The following ARFGEF1 variants were observed in gnomAD, a reference collection of about 807,000 sequenced individuals.
ARFGEF1 encodes the protein brefeldin A-inhibited guanine nucleotide-exchange protein 1.
In ARFGEF1, 42 loss-of-function variants were observed where a neutral mutation model predicts 231.0. The observed-to-expected ratio is 0.18, with a 90% CI of 0.14 to 0.24. ARFGEF1 has a LOEUF of 0.24. Among genes scored for constraint, ARFGEF1 ranks in the 10% least tolerant of loss-of-function variants. ARFGEF1 has a pLI of 1.00. For missense variants in ARFGEF1, 1,345 were observed against 2,192.0 expected, an observed-to-expected ratio of 0.61 and a Z score of 7.72; for synonymous variants, 710 against 732.3, an observed-to-expected ratio of 0.97 and a Z score of 0.49.
At chr8:67,276,709 T>G (rs897726344) in intron 8 of ARFGEF1, among the ~76,000 whole-genome samples, 1 of 152,170 alleles carries the variant, frequency 6.6e-6, no homozygotes, top group Non-Finnish European at 1.5e-5. Context: ...TCCCTAAATT[T>G]CTAAAAGTTT....
At chr8:67,300,798 T>C (rs1806451438) in intron 3 of ARFGEF1, among the ~76,000 whole-genome samples, 1 of 151,246 alleles carries the variant, frequency 6.6e-6, no homozygotes, top group Non-Finnish European at 1.5e-5. Context: ...GAGCCAAGAT[T>C]ACGCCACTGC....
Position 67,266,049 on chromosome 8 carries a change from C to T in ARFGEF1, c.2080G>A (p.Val694Ile). 1 of 1,613,832 alleles carries T rather than the reference C, an allele frequency of 6.2e-7. No homozygotes were observed. The highest frequency in any genetic ancestry group is 8.5e-7 in the Non-Finnish European group (1 of 1,179,820). ...ATTATTTCTTTTTGTTGCTTTAGGA[C>T]CTCAAATTGTTCTGGATTATCAGTG... ...SGTDNPEQFE[V>I]LKQQKEIIEQ... Residue 694 changes from valine (V) to isoleucine (I), a missense_variant, in exon 14 of 39, where the codon GTC becomes ATC. Val to Ile is a conservative substitution (Grantham distance 29, BLOSUM62 3). This residue lies in a region of ARFGEF1 where 105 missense variants were observed against 159.3 expected (regional missense o/e 0.66). Coordinates refer to ENST00000262215, the MANE Select transcript of ARFGEF1 (RefSeq NM_006421.5).
chr8:67,321,171 GT>G (rs1807573136), intron 1 of ARFGEF1, among the ~76,000 whole-genome samples: 1 of 118,214 alleles, frequency 8.5e-6, no homozygotes, highest in Non-Finnish European at 1.8e-5. Flanking sequence ...ATGGGGGGGG[GT>G]TTGGGGGTGC....
intron 17 of ARFGEF1, among the ~76,000 whole-genome samples, chr8:67,256,602 TATC>T (rs527390432): frequency 8.3e-4 from 126 of 152,296 alleles, no homozygotes; most frequent in Middle Eastern, 6.8e-3. Flanking sequence ...GCATAACAAA[TATC>T]ATCAGATACC....
At chr8:67,335,917 C>T (rs1429267013) in intron 1 of ARFGEF1, among the ~76,000 whole-genome samples, 1 of 151,782 alleles carries the variant, frequency 6.6e-6, no homozygotes, top group Non-Finnish European at 1.5e-5. Context: ...GCCCGGCTAA[C>T]TTTTTGTATT....
At position 67,292,213 on chromosome 8, in the gene ARFGEF1, G is replaced by A; in HGVS notation, c.640-90C>T. ...TACCTCCAACAATCCTTTCTATAAG[G>A]TGCCATTCTCTCTACGCTTGGAAAT... On this transcript the variant is annotated intron_variant, in intron 5 of 38. Coordinates refer to ENST00000262215, the MANE Select transcript of ARFGEF1 (RefSeq NM_006421.5). 5 of 1,117,836 alleles carry A rather than the reference G, an allele frequency of 4.5e-6. No individual in the cohort carries two copies. The South Asian group carries it at 4.5e-5, about 10-fold the overall frequency. 69.2% of individuals were successfully genotyped at this position (1,117,836 alleles called of 1,614,324 possible).
intron 33 of ARFGEF1, among the ~76,000 whole-genome samples, chr8:67,213,105 A>G (rs972591941): frequency 6.6e-6 from 1 of 152,184 alleles, no homozygotes; most frequent in Non-Finnish European, 1.5e-5. Flanking sequence ...GTCATGGAGC[A>G]ACACGGGCCC....
intron 23 of ARFGEF1, among the ~76,000 whole-genome samples, chr8:67,231,997 T>C (rs1396477651): frequency 6.6e-6 from 1 of 151,726 alleles, no homozygotes; most frequent in African/African-American, 2.4e-5. Context: ...CAACAGCAAG[T>C]AGACATTAAG....
intron 3 of ARFGEF1, 118 bp downstream of exon 3, chr8:67,301,106 T>C: frequency 9.9e-7 from 1 of 1,013,386 alleles, no homozygotes; most frequent in Non-Finnish European, 1.4e-6. Flanking sequence ...CTTGGATTTT[T>C]TACCACAAAA....
At chr8:67,333,600 C>T (rs1314142672) in intron 1 of ARFGEF1, among the ~76,000 whole-genome samples, 1 of 151,994 alleles carries the variant, frequency 6.6e-6, no homozygotes, top group Admixed American at 6.6e-5. Context: ...AGGTGTGAGC[C>T]GCCACATCTG....
chr8:67,264,389 T>C (rs1296638015), intron 14 of ARFGEF1, among the ~76,000 whole-genome samples: 1 of 152,162 alleles, frequency 6.6e-6, no homozygotes, highest in East Asian at 1.9e-4. Flanking sequence ...GGGGAAAATC[T>C]AAGCTAACTC....
At chr8:67,228,546 A>T (rs1330411787) in intron 23 of ARFGEF1, among the ~76,000 whole-genome samples, 1 of 152,050 alleles carries the variant, frequency 6.6e-6, no homozygotes, top group Non-Finnish European at 1.5e-5. Context: ...CCCCGGATAG[A>T]TATGAGATTC....
chr8:67,207,097 G>A (rs753499775), intron 34 of ARFGEF1: 3 of 152,094 alleles, frequency 2.0e-5, no homozygotes, highest in African/African-American at 4.8e-5. Context: ...AAAGAAACCT[G>A]TAAGTCCTAC....
chr8:67,184,866 G>A (rs1293610032), intron 5 of ARFGEF1, among the ~76,000 whole-genome samples: 5 of 148,696 alleles, frequency 3.4e-5, no homozygotes, highest in South Asian at 2.1e-4. Flanking sequence ...TTGGGAGGCC[G>A]AGGAGGGCGG....
chr8:67,217,171 G>A (rs758737359), intron 32 of ARFGEF1, among the ~76,000 whole-genome samples: 1 of 151,956 alleles, frequency 6.6e-6, no homozygotes, highest in Non-Finnish European at 1.5e-5. Flanking sequence ...AGGCATGGTG[G>A]TGCATGCCTG....
intron 1 of ARFGEF1, among the ~76,000 whole-genome samples, chr8:67,306,259 T>C (rs1300181316): frequency 6.6e-6 from 1 of 152,192 alleles, no homozygotes; most frequent in Non-Finnish European, 1.5e-5. Context: ...AATGGGAAGG[T>C]AGCTTATAGA....
intron 34 of ARFGEF1, among the ~76,000 whole-genome samples, chr8:67,206,004 T>A (rs1343085614): frequency 6.6e-6 from 1 of 152,184 alleles, no homozygotes; most frequent in Non-Finnish European, 1.5e-5. Flanking sequence ...GATTAACCTA[T>A]GCAATACTGT....
intron 34 of ARFGEF1, among the ~76,000 whole-genome samples, chr8:67,205,801 T>C (rs1838490567): frequency 1.3e-5 from 2 of 151,486 alleles, no homozygotes; most frequent in African/African-American, 4.9e-5. Context: ...GAGGTTACAG[T>C]GAACCAAGAT....
chr8:67,195,616 T>C, downstream of ARFGEF1: 1 of 1,600,502 alleles, frequency 6.2e-7, no homozygotes, highest in Non-Finnish European at 8.6e-7. Context: ...CTGGACCCAG[T>C]AGTGCCTTTT....
Sources: gnomAD v4.1 joint callset for allele counts (sites outside exome capture counted in the v4.1 genomes callset) on GRCh38, gnomAD v4.1.1 for gene constraint, gnomAD v4.1.1 regional missense constraint, MANE v1.5 for transcripts, NCBI Gene and HGNC (gene_info 2026-07-23, HGNC 2026-07-21) for gene names.